EFHB: variants seen among roughly 807,000 people sequenced by gnomAD.
The protein encoded by EFHB is EF-hand domain-containing family member B.
In EFHB, 91 loss-of-function variants were observed where a neutral mutation model predicts 87.2. The observed-to-expected ratio is 1.04, with a 90% confidence interval of 0.88 to 1.24. EFHB has a LOEUF of 1.24. EFHB is among the 50% of genes most tolerant of loss of function. The probability of loss-of-function intolerance (pLI) is 0.00; values close to 1 mark genes in which losing one functional copy is unlikely to be tolerated. For missense variants in EFHB, 1,084 were observed against 998.8 expected (o/e 1.09, Z -1.15); for synonymous variants, 325 against 333.6 (o/e 0.97, Z 0.28).
chr3:19,923,206 G>T (rs1409062751), intron 1 of EFHB, among the ~76,000 whole-genome samples: 1 of 151,864 alleles, frequency 6.6e-6, no homozygotes, highest in African/African-American at 2.4e-5. Context: ...GGCGGAGGTT[G>T]CAGTGAGCCG....
intron 6 of EFHB, among the ~76,000 whole-genome samples, chr3:19,899,981 G>A (rs1276709285): frequency 6.6e-6 from 1 of 152,122 alleles, no homozygotes; most frequent in Non-Finnish European, 1.5e-5. Flanking sequence ...GCTGAGCTAG[G>A]AAGATCGCTT....
rs1694393610 is a variant in EFHB, at chr3:19,894,093, TA to T, written c.1725+2593del. On this transcript the variant is annotated intron_variant, in intron 9 of 12. Transcript: ENST00000295824. ...CATGAATTACATAGTCTATGATAGC[TA>T]GGAGCAAAAATCCCTGATTGCAACT... Among the ~76,000 whole-genome samples, 4 of 152,330 alleles carry T rather than the reference TA, an allele frequency of 2.6e-5. No homozygotes were observed. The South Asian group carries it at 8.3e-4, about 32-fold the overall frequency.
chr3:19,916,444 G>GGT (rs1356543277), intron 4 of EFHB, among the ~76,000 whole-genome samples: 81 of 152,190 alleles, frequency 5.3e-4, no homozygotes, highest in Non-Finnish European at 1.0e-3. Context: ...GAACCTGGGA[G>GGT]GCAGAGGTTG....
chr3:19,933,355 G>C lies in EFHB; in HGVS notation c.664C>G (p.Gln222Glu). ...MGLVIEPPQC[Q>E]FAQQHEQRKE... is the part of the protein sequence containing the mutation. ...CTCTGTTCATGTTGTTGGGCAAACT[G>C]GCATTGGGGAGGTTCTATCACCAAG... The change falls in exon 1 of 13, where the codon CAG (glutamine) becomes GAG (glutamate). Residue 222 changes from glutamine (Q) to glutamate (E), a missense_variant. Transcript: ENST00000295824. 6.2e-7 allele frequency: 1 copy of C among 1,613,968 alleles called. No individual in the cohort carries two copies. Among genetic ancestry groups the C allele is most frequent in the South Asian group, 1.1e-5 (1 of 91,080 alleles).
chr3:19,881,507 A>T lies in EFHB; in HGVS notation c.2328+1043T>A, dbSNP rs142510471. ...GCAGGAGATTTCTGTTTCTTTTGGA[A>T]ACCCTAAAGTTCTATTTCATAGGCC... On this transcript the variant is annotated intron_variant, in intron 12 of 12. Transcript: ENST00000295824. Among the ~76,000 whole-genome samples the T allele has an allele frequency of 3.3e-3, 510 of 152,264 alleles. 3 individuals carry two copies. Among genetic ancestry groups the T allele is most frequent in the African/African-American group, 0.012 (479 of 41,554 alleles).
chr3:19,882,055 ATAAATAAT>A (rs147948986), intron 12 of EFHB, among the ~76,000 whole-genome samples: 15,350 of 140,182 alleles, frequency 0.11, 885 homozygotes, highest in Middle Eastern at 0.23. Context: ...AAATAAATAA[ATAAATAAT>A]TAAATAAGAC....
chr3:19,900,669 C>T (rs890327799), intron 6 of EFHB, among the ~76,000 whole-genome samples: 3 of 152,110 alleles, frequency 2.0e-5, no homozygotes, highest in Non-Finnish European at 4.4e-5. Context: ...TGGCTCATAC[C>T]TGTAATCCCA....
intron 5 of EFHB, among the ~76,000 whole-genome samples, chr3:19,911,281 G>T (rs1023081504): frequency 7.2e-5 from 11 of 152,062 alleles, no homozygotes; most frequent in South Asian, 4.1e-4. Context: ...TCAAGCAAAG[G>T]CCAGGCGTGG....
chr3:19,906,683 T>G (rs1694853050), intron 5 of EFHB, among the ~76,000 whole-genome samples: 1 of 136,008 alleles, frequency 7.4e-6, no homozygotes, highest in Non-Finnish European at 1.6e-5. Context: ...TCCAATAGCA[T>G]TCTTCACAGA....
intron 1 of EFHB, among the ~76,000 whole-genome samples, chr3:19,932,773 C>T (rs1695872881): frequency 6.6e-6 from 1 of 152,148 alleles, no homozygotes; most frequent in Admixed American, 6.5e-5. Context: ...AGGTAGGGAC[C>T]ATGTACTTTT....
intron 9 of EFHB, chr3:19,894,407 T>G (rs919791940): frequency 6.6e-6 from 1 of 152,228 alleles, no homozygotes; most frequent in African/African-American, 2.4e-5. Flanking sequence ...CTAAATGGAA[T>G]GTCTACACAT....
chr3:19,905,355 A>T lies in EFHB; in HGVS notation c.1418+265T>A, dbSNP rs1015314475. Among the ~76,000 whole-genome samples, 6 of 152,246 alleles carry T rather than the reference A, an allele frequency of 3.9e-5. No homozygotes were observed. In the East Asian group the frequency reaches 1.2e-3, roughly 29 times the overall value. Reference sequence around the variant, plus strand: ...CAAATAAAGTTGATCCCAGAGAATTAAAACATGCATATATGTCTTTATGTT... The same window carrying T: ...CAAATAAAGTTGATCCCAGAGAATTTAAACATGCATATATGTCTTTATGTT... On this transcript the variant is annotated intron_variant, in intron 6 of 12. Transcript: ENST00000295824.
chr3:19,942,414 C>CT (rs1168616246), intron 1 of EFHB: 1 of 152,342 alleles, frequency 6.6e-6, no homozygotes, highest in Non-Finnish European at 1.5e-5. Flanking sequence ...TTTCCTTCAT[C>CT]TTTGTCAGAA....
chr3:19,899,581 T>G (rs1420823580), intron 6 of EFHB, 66 bp from the exon 7 acceptor site: 5 of 1,237,996 alleles, frequency 4.0e-6, no homozygotes, highest in Non-Finnish European at 5.6e-6. Context: ...CAAATATACA[T>G]AAGGCGAAGA....
intron 12 of EFHB, among the ~76,000 whole-genome samples, chr3:19,882,305 A>AT (rs2071698313): frequency 6.6e-6 from 1 of 152,012 alleles, no homozygotes; most frequent in African/African-American, 2.4e-5. Flanking sequence ...TTAGAAAAAT[A>AT]TTTTTCTTCT....
chr3:19,911,200 G>T (rs1050124045), intron 5 of EFHB, among the ~76,000 whole-genome samples: 3 of 152,090 alleles, frequency 2.0e-5, no homozygotes, highest in African/African-American at 7.2e-5. Context: ...ATAAATTTAA[G>T]ATAACACAGA....
chr3:19,884,722 G>C (rs2125124382), intron 10 of EFHB, 107 bp from the exon 11 acceptor site: 1 of 1,093,520 alleles, frequency 9.1e-7, no homozygotes. Flanking sequence ...CTTGCTAATG[G>C]AAACAGCTGG....
chr3:19,893,698 G>A (rs1694381563), intron 9 of EFHB, among the ~76,000 whole-genome samples: 1 of 152,146 alleles, frequency 6.6e-6, no homozygotes, highest in South Asian at 2.1e-4. Flanking sequence ...GGAAACAGCA[G>A]AGAATGACCC....
intron 9 of EFHB, among the ~76,000 whole-genome samples, chr3:19,890,055 T>C (rs916950288): frequency 6.6e-6 from 1 of 152,214 alleles, no homozygotes; most frequent in African/African-American, 2.4e-5. Context: ...TGAAAAGCAA[T>C]GCGGGATGTG....
Sources: allele counts gnomAD v4.1 joint callset (sites outside exome capture counted in the v4.1 genomes callset), GRCh38; gene constraint gnomAD v4.1.1; transcripts MANE v1.5; gene names NCBI Gene and HGNC (gene_info 2026-07-23, HGNC 2026-07-21).